The following SYT17 variants were observed in gnomAD, a reference collection of about 807,000 sequenced individuals.
SYT17 encodes the protein synaptotagmin-17.
A neutral mutation model predicts 46.7 loss-of-function variants in SYT17; 22 were observed. That is an observed-to-expected ratio of 0.47 (90% CI 0.34 to 0.67). SYT17 has a LOEUF of 0.67. SYT17 is among the 30% of genes least tolerant of loss of function. The probability of loss-of-function intolerance (pLI) is 0.01; values close to 1 mark genes in which losing one functional copy is unlikely to be tolerated. For missense variants in SYT17, 519 were observed against 612.8 expected, an observed-to-expected ratio of 0.85 and a Z score of 1.62; for synonymous variants, 251 against 248.4, an observed-to-expected ratio of 1.01 and a Z score of -0.10.
Position 19,260,336 on chromosome 16 carries a change from C to CAA in SYT17, c.1229-6518_1229-6517dup, listed in dbSNP as rs34504914. On this transcript the variant is annotated intron_variant, in intron 7 of 7. Coordinates refer to ENST00000355377, the MANE Select transcript of SYT17 (RefSeq NM_016524.4). ...GAAACCCCATCTCTACAGAAAATAC[C>CAA]AAAAAAAAAAAAAAAAAAAAAAAAA... Among the ~76,000 whole-genome samples, 13 of 22,890 alleles carry CAA rather than the reference C, an allele frequency of 5.7e-4. 1 individual carries two copies. Among genetic ancestry groups the CAA allele is most frequent in the African/African-American group, 1.4e-3 (7 of 5,170 alleles). 15.0% of individuals were successfully genotyped at this position (22,890 alleles called of 152,430 possible).
chr16:19,217,094 C>T (rs7204856), intron 5 of SYT17, among the ~76,000 whole-genome samples: 3,559 of 152,244 alleles, frequency 0.023, 134 homozygotes, highest in African/African-American at 0.081. Flanking sequence ...AAGATGATAT[C>T]TCATTGTGGT....
chr16:19,207,485 G>T (rs557891530), intron 5 of SYT17, among the ~76,000 whole-genome samples: 1 of 152,110 alleles, frequency 6.6e-6, no homozygotes, highest in African/African-American at 2.4e-5. Context: ...GAAGGCAAGG[G>T]GGGGAAAGAG....
chr16:19,173,919 T>C (rs1397320335), intron 3 of SYT17, among the ~76,000 whole-genome samples: 1 of 152,166 alleles, frequency 6.6e-6, no homozygotes, highest in Non-Finnish European at 1.5e-5. Context: ...GAGCCGAGCC[T>C]CTATATTCTT....
intron 7 of SYT17, among the ~76,000 whole-genome samples, chr16:19,255,644 G>A (rs1968506939): frequency 6.6e-6 from 1 of 152,086 alleles, no homozygotes; most frequent in Admixed American, 6.6e-5. Context: ...AATTAGCTGG[G>A]CGTGGTGAGG....
intron 5 of SYT17, among the ~76,000 whole-genome samples, chr16:19,192,613 A>G (rs1965070514): frequency 6.6e-6 from 1 of 152,148 alleles, no homozygotes; most frequent in Non-Finnish European, 1.5e-5. Context: ...AGCAAAAGAC[A>G]AGAAGTACCG....
chr16:19,232,867 C>CAAAA (rs397972780), intron 7 of SYT17, among the ~76,000 whole-genome samples: 2 of 151,180 alleles, frequency 1.3e-5, no homozygotes, highest in East Asian at 3.9e-4. Flanking sequence ...AACAAACAAA[C>CAAAA]TCTCTAGCAC....
At chr16:19,235,022 C>T (rs1187625748) in intron 7 of SYT17, among the ~76,000 whole-genome samples, 1 of 152,086 alleles carries the variant, frequency 6.6e-6, no homozygotes. Context: ...CCTGAAGTTT[C>T]TTGGGATTGG....
At chr16:19,221,104 C>T (rs1228056589) in intron 5 of SYT17, among the ~76,000 whole-genome samples, 1 of 150,874 alleles carries the variant, frequency 6.6e-6, no homozygotes, top group African/African-American at 2.4e-5. Context: ...TAGTAGGATC[C>T]CTTGAGCCCA....
At chr16:19,180,020 A>G (rs1229440843) in intron 3 of SYT17, among the ~76,000 whole-genome samples, 3 of 152,172 alleles carry the variant, frequency 2.0e-5, no homozygotes, top group Admixed American at 2.0e-4. Flanking sequence ...GGATGCCTAT[A>G]AAACAACCAG....
intron 5 of SYT17, among the ~76,000 whole-genome samples, chr16:19,188,730 T>C (rs1964889903): frequency 6.6e-6 from 1 of 151,840 alleles, no homozygotes; most frequent in African/African-American, 2.4e-5. Flanking sequence ...ATTAGCAGAG[T>C]CGTGTTCCCT....
intron 7 of SYT17, 65 bp downstream of exon 7, chr16:19,224,903 C>T: frequency 6.4e-7 from 1 of 1,567,758 alleles, no homozygotes; most frequent in Non-Finnish European, 8.7e-7. Context: ...GTCCTAGAGC[C>T]AGAAGGCATC....
chr16:19,172,825 G>A lies in SYT17; in HGVS notation c.33+48G>A, dbSNP rs762361403. 6 of 1,611,260 alleles carry A rather than the reference G, an allele frequency of 3.7e-6. No individual in the cohort carries two copies. The Admixed American group carries it at 6.7e-5, about 18-fold the overall frequency. On this transcript the variant is annotated intron_variant, in intron 2 of 7. Transcript: ENST00000355377. Reference sequence around the variant, plus strand: ...TTGGTCTGGTTTCTAATCAAGAAATGCCTGACTTTCATTTTGGAGTCTTAT... The same window carrying A: ...TTGGTCTGGTTTCTAATCAAGAAATACCTGACTTTCATTTTGGAGTCTTAT...
chr16:19,177,932 G>A (rs755483553), intron 3 of SYT17, among the ~76,000 whole-genome samples: 33 of 152,238 alleles, frequency 2.2e-4, no homozygotes, highest in Admixed American at 6.5e-4. Flanking sequence ...GATTGGGAGT[G>A]TGTGCCATTT....
chr16:19,253,929 A>T (rs1448000507), intron 7 of SYT17, among the ~76,000 whole-genome samples: 1 of 152,132 alleles, frequency 6.6e-6, no homozygotes, highest in Non-Finnish European at 1.5e-5. Context: ...GGGTTTCACC[A>T]TGTTGACCAG....
At position 19,219,444 on chromosome 16, in the gene SYT17, AAATAAT is replaced by A. The variant is rs767001468; in HGVS notation, c.952-3583_952-3578del. On this transcript the variant is annotated intron_variant, in intron 5 of 7. Transcript: ENST00000355377. ...AAAAAAAAAAAAAAAAAAAAAAAAA[AAATAAT>A]AATAATAATAATAATAAAACAAACA... is the stretch of plus-strand genomic sequence containing the variant. Among the ~76,000 whole-genome samples, 6 of 121,844 alleles carry A rather than the reference AAATAAT, an allele frequency of 4.9e-5. 2 individuals are homozygous for A. The highest frequency in any genetic ancestry group is 7.6e-5 in the Non-Finnish European group (4 of 52,942). The allele number at this position is 121,844 out of a possible 152,430, so 79.9% of individuals were successfully genotyped here.
At chr16:19,220,958 A>C (rs540584640) in intron 5 of SYT17, among the ~76,000 whole-genome samples, 19 of 152,046 alleles carry the variant, frequency 1.2e-4, no homozygotes, top group South Asian at 2.1e-4. Flanking sequence ...TTGGGAGGCT[A>C]AGGCAGGAGG....
At chr16:19,249,275 AAAATAAAT>A (rs71375627) in intron 7 of SYT17, among the ~76,000 whole-genome samples, 2,374 of 145,318 alleles carry the variant, frequency 0.016, 57 homozygotes, top group African/African-American at 0.057. Flanking sequence ...CGCCGTCTCA[AAAATAAAT>A]AAATAAATAA....
intron 5 of SYT17, among the ~76,000 whole-genome samples, chr16:19,210,075 TTTA>T (rs1431497723): frequency 3.0e-5 from 4 of 131,180 alleles, no homozygotes; most frequent in African/African-American, 8.4e-5. Context: ...TTTATTATAT[TTTA>T]TTATTTTATT....
chr16:19,230,285 T>A (rs1385289443), intron 7 of SYT17, among the ~76,000 whole-genome samples: 2 of 151,944 alleles, frequency 1.3e-5, no homozygotes, highest in Non-Finnish European at 2.9e-5. Context: ...TGAGCACCTG[T>A]AATTCCAGCT....
Sources: allele counts gnomAD v4.1 joint callset (sites outside exome capture counted in the v4.1 genomes callset), GRCh38; gene constraint gnomAD v4.1.1; transcripts MANE v1.5; gene names NCBI Gene and HGNC (gene_info 2026-07-23, HGNC 2026-07-21).